Variants in TOPBP1 observed in about 807,000 individuals in gnomAD.
The protein encoded by TOPBP1 is DNA topoisomerase II binding protein 1.
Under a neutral mutation model 167.7 loss-of-function variants are expected in TOPBP1, and 28 were observed. The ratio of observed to expected loss-of-function variants is 0.17; its 90% CI spans 0.12 to 0.23. TOPBP1 has a LOEUF of 0.23. Among genes scored for constraint, TOPBP1 ranks in the 10% least tolerant of loss-of-function variants. The probability of loss-of-function intolerance (pLI) is 1.00; values close to 1 mark genes in which losing one functional copy is unlikely to be tolerated. For missense variants in TOPBP1, 1,554 were observed against 1,809.6 expected (o/e 0.86, Z 2.56); for synonymous variants, 598 against 611.4 (o/e 0.98, Z 0.32).
rs1235781453 is a variant in TOPBP1 at position 133,656,856 on chromosome 3, T to A, written c.365A>T (p.Glu122Val). The stretch of plus-strand genomic sequence containing the variant: ...CATTTGTACATATTTATGAACTTCT[T>A]CCTGCAGCCCCAAAAGAGAACACAT... ...SCTSLEKEKREEVHKYVQMMG... is the reference protein window; with the variant it reads ...SCTSLEKEKRVEVHKYVQMMG... Residue 122 changes from glutamate (E) to valine (V), a missense_variant and splice_region_variant, in exon 5 of 28, where the codon GAA (glutamate) becomes GTA (valine). This residue lies in a region of TOPBP1 where 1,197 missense variants were observed against 1,351.5 expected (regional missense o/e 0.89). Transcript: ENST00000260810. 6.4e-7 allele frequency: 1 copy of A among 1,570,286 alleles called. No individual in the cohort carries two copies. The highest frequency in any genetic ancestry group is 1.4e-5 in the African/African-American group (1 of 73,104).
At chr3:133,655,170 C>T (rs1221213471) in intron 6 of TOPBP1, 120 bp downstream of exon 6, 1 of 532,652 alleles carries the variant, frequency 1.9e-6, no homozygotes, top group East Asian at 6.1e-5. Context: ...GTGCCACTGC[C>T]CTCCAGCCTG....
chr3:133,653,425 A>G lies in TOPBP1; in HGVS notation c.842T>C (p.Ile281Thr). 2 of 1,613,280 alleles carry G rather than the reference A, an allele frequency of 1.2e-6. No individual in the cohort carries two copies. Among genetic ancestry groups the G allele is most frequent in the Non-Finnish European group, 1.7e-6 (2 of 1,179,668 alleles). ...IEKGFCQDES[I>T]YKTEPRPEAK... The stretch of plus-strand genomic sequence containing the variant: ...TTCTGGTCTAGGTTCTGTCTTGTAT[A>G]TGGATTCATCCTGACAAAAACCTTT... Residue 281 changes from isoleucine (I) to threonine (T), a missense_variant, in exon 7 of 28, where the codon ATA becomes ACA. Physicochemically the swap from Ile to Thr is moderately conservative, Grantham distance 89 (BLOSUM62 -1). This residue lies in a region of TOPBP1 where 1,197 missense variants were observed against 1,351.5 expected (regional missense o/e 0.89). Coordinates refer to ENST00000260810, the MANE Select transcript of TOPBP1 (RefSeq NM_007027.4).
intron 12 of TOPBP1, among the ~76,000 whole-genome samples, chr3:133,642,392 T>A (rs62282423): frequency 1.3e-5 from 2 of 152,190 alleles, no homozygotes; most frequent in Non-Finnish European, 2.9e-5. Context: ...TCTTTTAGCT[T>A]ATAGGTTCCT....
intron 23 of TOPBP1, among the ~76,000 whole-genome samples, chr3:133,615,695 T>TA (rs903862736): frequency 2.6e-4 from 39 of 151,684 alleles, no homozygotes; most frequent in East Asian, 1.9e-3. Flanking sequence ...TTACTTTATA[T>TA]AAAAAAAAAC....
intron 27 of TOPBP1, 56 bp downstream of exon 27, chr3:133,608,479 T>C: frequency 1.9e-6 from 3 of 1,578,384 alleles, no homozygotes; most frequent in African/African-American, 1.4e-5. Context: ...GTTACTTATC[T>C]ATGCACATAA....
chr3:133,620,226 G>A lies in TOPBP1; in HGVS notation c.3300C>T (p.Asn1100=). ...TGCTGTCAGGGGTTGAAGATGCGCT[G>A]TTACAACCACTTCTTGAAAGGGAAG... The part of the protein sequence containing the change: ...QRTSLSRSGC[N]SASSTPDSTR... The change falls in exon 20 of 28, where the codon AAC becomes AAT. Residue 1100 remains asparagine, a synonymous_variant. Coordinates refer to ENST00000260810, the MANE Select transcript of TOPBP1 (RefSeq NM_007027.4). The A allele has an allele frequency of 6.2e-7, 1 of 1,613,888 alleles. No homozygotes were observed.
intron 24 of TOPBP1, 129 bp downstream of exon 24, chr3:133,612,260 G>C (rs1310246821): frequency 6.0e-6 from 6 of 994,388 alleles, no homozygotes; most frequent in Non-Finnish European, 7.3e-6. Flanking sequence ...GGCATGTCTC[G>C]AACTCCTGAT....
At chr3:133,629,790 T>C (rs1401931336) in intron 14 of TOPBP1, among the ~76,000 whole-genome samples, 1 of 152,152 alleles carries the variant, frequency 6.6e-6, no homozygotes, top group Non-Finnish European at 1.5e-5. Flanking sequence ...TGTGTGTATA[T>C]ATATATATAT....
intron 20 of TOPBP1, among the ~76,000 whole-genome samples, chr3:133,619,238 C>T (rs11709940): frequency 0.14 from 21,039 of 151,918 alleles, 1,823 homozygotes; most frequent in Non-Finnish European, 0.2. Context: ...TATTCTCACA[C>T]TATATTTATT....
rs1936489066 is a variant in TOPBP1 at position 133,656,732 on chromosome 3, C to T, written c.489G>A (p.Lys163=). The T allele has an allele frequency of 6.2e-7, 1 of 1,612,894 alleles. No homozygotes were observed. Among genetic ancestry groups the T allele is most frequent in the East Asian group, 2.2e-5 (1 of 44,754 alleles). The change falls in exon 5 of 28, where the codon AAG becomes AAA. Residue 163 remains lysine (K), a synonymous_variant. Coordinates refer to ENST00000260810, the MANE Select transcript of TOPBP1 (RefSeq NM_007027.4). ...TCCAAGAGGGAAGCAAAATAGGTTT[C>T]TTCAGGTTTGCAGCAACTAAATATT... ...SKKYLVAANL[K]KPILLPSWIK...
intron 8 of TOPBP1, among the ~76,000 whole-genome samples, chr3:133,650,531 C>T (rs1936254999): frequency 6.6e-6 from 1 of 152,016 alleles, no homozygotes; most frequent in Admixed American, 6.6e-5. Context: ...GAACACAATG[C>T]TTTGAGGATA....
At chr3:133,630,578 G>A (rs1231204360) in intron 14 of TOPBP1, among the ~76,000 whole-genome samples, 1 of 151,746 alleles carries the variant, frequency 6.6e-6, no homozygotes. Context: ...GATTACAGGT[G>A]TGAGTCACGG....
intron 16 of TOPBP1, among the ~76,000 whole-genome samples, chr3:133,626,126 C>T (rs376514908): frequency 1.3e-5 from 2 of 152,200 alleles, no homozygotes; most frequent in African/African-American, 4.8e-5. Context: ...GCCAAACAAT[C>T]TCTTTTGCAA....
chr3:133,638,679 C>T (rs923919402), intron 13 of TOPBP1, among the ~76,000 whole-genome samples: 8 of 152,196 alleles, frequency 5.3e-5, no homozygotes, highest in African/African-American at 1.7e-4. Context: ...AGTAATGACT[C>T]TGAGAGGTAT....
At chr3:133,650,046 T>G (rs1936231299) in intron 8 of TOPBP1, 103 bp from the exon 9 acceptor site, 1 of 995,196 alleles carries the variant, frequency 1.0e-6, no homozygotes, top group Non-Finnish European at 1.4e-6. Flanking sequence ...AGACAACTTG[T>G]GTACATTTAA....
intron 5 of TOPBP1, 48 bp from the exon 6 acceptor site, chr3:133,655,534 G>T (rs1198434211): frequency 7.4e-6 from 8 of 1,081,218 alleles, no homozygotes; most frequent in Admixed American, 3.6e-5. Flanking sequence ...TTTACCAGAA[G>T]AATAATGAAA....
intron 10 of TOPBP1, 94 bp downstream of exon 10, chr3:133,649,289 A>C (rs978198820): frequency 2.1e-6 from 3 of 1,442,842 alleles, no homozygotes; most frequent in Non-Finnish European, 2.7e-6. Context: ...AATTTAACTT[A>C]AAATCTAGAA....
In TOPBP1 at chr3:133,655,397, C is replaced by A. The variant is rs371532541; in HGVS notation, c.635G>T (p.Gly212Val). The change falls in exon 6 of 28, where the codon GGC (glycine) becomes GTC (valine). Residue 212 changes from glycine to valine, a missense_variant. Coordinates refer to ENST00000260810, the MANE Select transcript of TOPBP1 (RefSeq NM_007027.4). The part of the protein sequence containing the change: ...GCIICVTGLC[G>V]LDRKEVQQLT... ...TTGCTGAACTTCTTTCCTGTCTAAG[C>A]CACATAAGCCAGTCACACAGATTAT... is the stretch of plus-strand genomic sequence containing the variant. 3.5e-5 allele frequency: 57 copies of A among 1,606,226 alleles called. No homozygotes were observed. The highest frequency in any genetic ancestry group is 4.4e-5 in the South Asian group (4 of 89,986).
At chr3:133,602,875 G>A (rs1463816954) in intron 27 of TOPBP1, among the ~76,000 whole-genome samples, 1 of 151,098 alleles carries the variant, frequency 6.6e-6, no homozygotes, top group Admixed American at 6.6e-5. Context: ...TTGGATGCAA[G>A]AGATCTACCT....
Sources: allele counts gnomAD v4.1 joint callset (sites outside exome capture counted in the v4.1 genomes callset), GRCh38; gene constraint gnomAD v4.1.1; regional missense constraint gnomAD v4.1.1; transcripts MANE v1.5; gene names NCBI Gene and HGNC (gene_info 2026-07-23, HGNC 2026-07-21).